Variants in RNLS observed in about 807,000 individuals in gnomAD.
RNLS encodes the protein renalase.
In RNLS, 39 loss-of-function variants were observed where a neutral mutation model predicts 39.8. The observed-to-expected ratio is 0.98, with a 90% confidence interval of 0.76 to 1.28. The LOEUF is 1.28. Ranked by LOEUF, RNLS falls within the 50% of genes most tolerant of loss-of-function variation. The pLI is 0.00. For synonymous variants in RNLS, 147 were observed against 150.7 expected (o/e 0.98, Z 0.18); for missense variants, 410 against 413.3 (o/e 0.99, Z 0.07).
At chr10:88,344,977 C>T (rs1292033456) in intron 5 of RNLS, among the ~76,000 whole-genome samples, 1 of 151,960 alleles carries the variant, frequency 6.6e-6, no homozygotes, top group Admixed American at 6.6e-5. Flanking sequence ...TATAAATGAG[C>T]ACATATATGG....
intron 4 of RNLS, among the ~76,000 whole-genome samples, chr10:88,498,856 A>G (rs1845315707): frequency 1.3e-5 from 2 of 152,082 alleles, no homozygotes; most frequent in South Asian, 4.1e-4. Flanking sequence ...AATTCTTTGT[A>G]AATCTTTTTC....
chr10:88,217,737 T>TAA, the RNLS span, among the ~76,000 whole-genome samples: 1 of 22,418 alleles, frequency 4.5e-5, no homozygotes, highest in Admixed American at 3.3e-4. Context: ...TGCCTTCAAA[T>TAA]GAAAAAAAAA....
intron 5 of RNLS, among the ~76,000 whole-genome samples, chr10:88,327,894 C>T (rs186041743): frequency 2.6e-5 from 4 of 151,806 alleles, no homozygotes; most frequent in South Asian, 2.1e-4. Flanking sequence ...TGAGCCACTG[C>T]GCCCAGCCAA....
intron 4 of RNLS, among the ~76,000 whole-genome samples, chr10:88,372,413 G>A (rs1392509355): frequency 6.6e-6 from 1 of 152,090 alleles, no homozygotes; most frequent in Admixed American, 6.6e-5. Context: ...TAGCTATGTA[G>A]ATGTGACGGT....
chr10:88,221,243 G>T, the RNLS span, among the ~76,000 whole-genome samples: 1 of 152,334 alleles, frequency 6.6e-6, no homozygotes, highest in South Asian at 2.1e-4. Context: ...CAAGCTTGCT[G>T]TTTAGAGAGC....
At chr10:88,374,868 A>G (rs1850851125) in intron 4 of RNLS, among the ~76,000 whole-genome samples, 1 of 152,070 alleles carries the variant, frequency 6.6e-6, no homozygotes, top group Admixed American at 6.6e-5. Flanking sequence ...CCCCCAGCTC[A>G]GGCAGCAAGC....
chr10:88,198,925 G>A, the RNLS span, among the ~76,000 whole-genome samples: 17 of 152,278 alleles, frequency 1.1e-4, no homozygotes, highest in Admixed American at 1.0e-3. Flanking sequence ...TAATAAAAGT[G>A]TAACAAGGCA....
At chr10:88,456,068 T>TG (rs1460185588) in intron 4 of RNLS, among the ~76,000 whole-genome samples, 1 of 152,156 alleles carries the variant, frequency 6.6e-6, no homozygotes, top group African/African-American at 2.4e-5. Context: ...TCTTAAGATT[T>TG]GGAAAGAAAA....
At chr10:88,428,122 GTA>G (rs1403801788) in intron 4 of RNLS, among the ~76,000 whole-genome samples, 1 of 151,920 alleles carries the variant, frequency 6.6e-6, no homozygotes, top group East Asian at 1.9e-4. Flanking sequence ...CAAAAGATCT[GTA>G]TGTTAGCATT....
chr10:88,509,738 G>A (rs548468702), intron 4 of RNLS, among the ~76,000 whole-genome samples: 1 of 152,106 alleles, frequency 6.6e-6, no homozygotes, highest in South Asian at 2.1e-4. Context: ...GTGGGGGGAA[G>A]GGGAGAAGGA....
At chr10:88,529,325 G>A (rs928012869) in intron 4 of RNLS, among the ~76,000 whole-genome samples, 1 of 152,146 alleles carries the variant, frequency 6.6e-6, no homozygotes, top group Admixed American at 6.5e-5. Flanking sequence ...AAGGTATGTG[G>A]TTTTCTAGTG....
downstream of RNLS, among the ~76,000 whole-genome samples, chr10:88,272,749 G>A (rs542476198): frequency 1.1e-3 from 160 of 152,076 alleles, no homozygotes; most frequent in South Asian, 3.1e-3. Context: ...TGTTGTCTTC[G>A]TTTTTTTAAG....
intron 4 of RNLS, among the ~76,000 whole-genome samples, chr10:88,556,907 AC>A (rs1475873250): frequency 6.6e-6 from 1 of 151,464 alleles, no homozygotes; most frequent in Non-Finnish European, 1.5e-5. Flanking sequence ...TTTTTCCTCC[AC>A]CCCCTGGATC....
intron 4 of RNLS, among the ~76,000 whole-genome samples, chr10:88,449,131 T>C (rs2133886708): frequency 6.6e-6 from 1 of 152,330 alleles, no homozygotes; most frequent in Non-Finnish European, 1.5e-5. Flanking sequence ...ACATGTACCC[T>C]AGAACTTAAA....
intron 5 of RNLS, among the ~76,000 whole-genome samples, chr10:88,336,214 C>T (rs530111843): frequency 2.6e-5 from 4 of 152,260 alleles, no homozygotes; most frequent in Admixed American, 6.5e-5. Flanking sequence ...TTTAAAAAAC[C>T]GACACACCTA....
rs116015352 is a variant in RNLS, at chr10:88,275,687, A to G, written c.877-655T>C. 8.7e-3 allele frequency among the ~76,000 whole-genome samples: 1,329 copies of G among 152,350 alleles called. 20 individuals are homozygous for G. The highest frequency in any genetic ancestry group is 0.028 in the African/African-American group (1,154 of 41,570). On this transcript the variant is annotated intron_variant, in intron 6 of 6. Coordinates refer to the RNLS transcript ENST00000371947. ...ATATGCTGTAAAATTAAAAACGCAC[A>G]GAACATTACCATAATTTATGGATAC...
intron 6 of RNLS, among the ~76,000 whole-genome samples, chr10:88,313,469 A>G (rs1383975896): frequency 6.6e-6 from 1 of 152,242 alleles, no homozygotes; most frequent in African/African-American, 2.4e-5. Context: ...TAAAGTGACC[A>G]TGACATGCTT....
intron 4 of RNLS, among the ~76,000 whole-genome samples, chr10:88,488,344 C>G (rs377294104): frequency 4.0e-5 from 6 of 151,874 alleles, no homozygotes; most frequent in Admixed American, 3.9e-4. Flanking sequence ...GTTGGGAGTT[C>G]GAGATCAGCC....
At chr10:88,542,158 A>T (rs984938412) in intron 4 of RNLS, among the ~76,000 whole-genome samples, 1 of 152,188 alleles carries the variant, frequency 6.6e-6, no homozygotes, top group African/African-American at 2.4e-5. Context: ...CTATCATATC[A>T]GAATAATCCA....
Sources: allele counts gnomAD v4.1 joint callset (sites outside exome capture counted in the v4.1 genomes callset), GRCh38; gene constraint gnomAD v4.1.1; transcripts MANE v1.5; gene names NCBI Gene and HGNC (gene_info 2026-07-23, HGNC 2026-07-21).